Variants in TGIF1 observed in about 807,000 individuals in gnomAD.
TGIF1 encodes the protein TGFB induced factor homeobox 1.
A neutral mutation model predicts 19.3 loss-of-function variants in TGIF1; 4 were observed. That is an observed-to-expected ratio of 0.21 (90% CI 0.10 to 0.47). The LOEUF is 0.47. TGIF1 is among the 20% of genes least tolerant of loss of function. The pLI, the probability that TGIF1 is intolerant of heterozygous loss-of-function variation, is 0.98. For missense variants in TGIF1, 275 were observed against 341.4 expected, an observed-to-expected ratio of 0.81 and a Z score of 1.53; for synonymous variants, 122 against 129.3, an observed-to-expected ratio of 0.94 and a Z score of 0.38.
Position 3,451,502 on chromosome 18 carries a change from T to C in TGIF1, c.16+997T>C, listed in dbSNP as rs1054366682. 5.1e-6 allele frequency: 5 copies of C among 990,064 alleles called. No individual in the cohort carries two copies. The highest frequency in any genetic ancestry group is 1.2e-4 in the Admixed American group (2 of 16,390). The allele number at this position is 990,064 out of a possible 1,614,324, so 61.3% of individuals were successfully genotyped here. A position where few individuals can be genotyped will look rare whatever the true frequency, so the allele number is the denominator to read the frequency against. On this transcript the variant is annotated intron_variant, in intron 1 of 2. Coordinates refer to ENST00000343820, the MANE Select transcript of TGIF1 (RefSeq NM_003244.4). This position sits in a 1 kb window ranked among gnomAD's most constrained non-coding sequence, Gnocchi z 5.4. ...CGTTTCTGTCGTGATTTATGTGGAG[T>C]GGTTCAAAACAGAAGTTAATCACTC...
At chr18:3,436,687 C>T (rs1434760101) in intron 2 of TGIF1, among the ~76,000 whole-genome samples, 4 of 151,606 alleles carry the variant, frequency 2.6e-5, no homozygotes, top group South Asian at 2.1e-4. Context: ...GTTGTGGTGT[C>T]GCACTCCTGT....
At chr18:3,421,598 G>T (rs930735569) in intron 2 of TGIF1, among the ~76,000 whole-genome samples, 13 of 151,512 alleles carry the variant, frequency 8.6e-5, no homozygotes, top group South Asian at 4.2e-4. Flanking sequence ...TTTTAGTAGA[G>T]ACAGGGTTTC....
intron 2 of TGIF1, among the ~76,000 whole-genome samples, chr18:3,444,700 C>T (rs546064875): frequency 1.3e-5 from 2 of 151,674 alleles, no homozygotes; most frequent in East Asian, 1.9e-4. Flanking sequence ...GGTGCGATCT[C>T]GGTTCACTTA....
In TGIF1 at chr18:3,457,799, G is replaced by A. The variant is rs4747; in HGVS notation, c.678G>A (p.Thr226=). 14 of 1,613,824 alleles carry A rather than the reference G, an allele frequency of 8.7e-6. No individual in the cohort carries two copies. The highest frequency in any genetic ancestry group is 5.3e-5 in the African/African-American group (4 of 75,032). ...PEDTCKSGPS[T]NTQSGLFNTP... is the part of the protein sequence containing the mutation. ...ACACTTGTAAATCTGGACCAAGTAC[G>A]AATACACAGAGTGGTCTTTTCAACA... The change falls in exon 3 of 3, where the codon ACG becomes ACA. Residue 226 remains threonine, a synonymous_variant. Coordinates refer to ENST00000343820, the MANE Select transcript of TGIF1 (RefSeq NM_003244.4). The surrounding 1 kb of genome is among the most constrained non-coding windows in gnomAD (Gnocchi z 4.9).
Position 3,450,477 on chromosome 18 carries a change from G to A in TGIF1, c.-13G>A, listed in dbSNP as rs1426360453. ...ACCCCCGCCTTGCCTCGCGCTGGGAGGGGAGATCCAGAATGAAAGGCAAGA... is the reference window on the plus strand; with the variant it reads ...ACCCCCGCCTTGCCTCGCGCTGGGAAGGGAGATCCAGAATGAAAGGCAAGA... On this transcript the variant is annotated 5_prime_UTR_variant, in exon 1 of 3. Transcript: ENST00000343820. The A allele has an allele frequency of 4.5e-6, 7 of 1,559,238 alleles. No homozygotes were observed. The highest frequency in any genetic ancestry group is 6.1e-6 in the Non-Finnish European group (7 of 1,151,826).
chr18:3,447,936 T>C, upstream of TGIF1: 1 of 1,444,792 alleles, frequency 6.9e-7, no homozygotes, highest in East Asian at 2.4e-5. Flanking sequence ...CTCGGTTGCC[T>C]GAGAATCGCA....
In TGIF1 at chr18:3,456,295, CT is replaced by C; in HGVS notation, c.17-56del. On this transcript the variant is annotated intron_variant, in intron 1 of 2. Coordinates refer to ENST00000343820, the MANE Select transcript of TGIF1 (RefSeq NM_003244.4). The surrounding 1 kb of genome is among the most constrained non-coding windows in gnomAD (Gnocchi z 4.2). The stretch of plus-strand genomic sequence containing the variant: ...CATTGAATGGTCAGCGTTAAGTGAG[CT>C]TTGCAATAGTTGCTGTGCTTATAAA... 1.3e-6 allele frequency: 2 copies of C among 1,497,296 alleles called. No homozygotes were observed. The highest frequency in any genetic ancestry group is 1.9e-6 in the Non-Finnish European group (2 of 1,074,608). 92.8% of individuals were successfully genotyped at this position (1,497,296 alleles called of 1,614,324 possible).
chr18:3,446,102 T>C (rs2143262465), upstream of TGIF1, among the ~76,000 whole-genome samples: 1 of 152,362 alleles, frequency 6.6e-6, no homozygotes, highest in East Asian at 1.9e-4. Context: ...AATAAGTGTT[T>C]CATAAACTGT....
At chr18:3,443,825 A>G (rs896431843) in intron 2 of TGIF1, among the ~76,000 whole-genome samples, 7 of 151,498 alleles carry the variant, frequency 4.6e-5, no homozygotes, top group African/African-American at 1.7e-4. Flanking sequence ...GAGCCACTGT[A>G]CCTGGCCATG....
intron 1 of TGIF1, among the ~76,000 whole-genome samples, chr18:3,412,556 T>C (rs998106265): frequency 6.6e-6 from 1 of 152,184 alleles, no homozygotes; most frequent in Non-Finnish European, 1.5e-5. Flanking sequence ...CACTCTAAAT[T>C]CTTTGCACAT....
rs148926036 is a variant in TGIF1, at chr18:3,456,385, G to A, written c.48G>A (p.Glu16=). ...GIVAASGSET[E]DEDSMDIPLD... is the part of the protein sequence containing the mutation. ...TTGCAGCATCTGGCAGTGAGACTGA[G>A]GATGAGGACAGCATGGACATTCCCT... The change falls in exon 2 of 3, where the codon GAG becomes GAA. Residue 16 remains glutamate (E), a synonymous_variant. Transcript: ENST00000343820. This position sits in a 1 kb window ranked among gnomAD's most constrained non-coding sequence, Gnocchi z 4.2. 9.3e-5 allele frequency: 150 copies of A among 1,614,222 alleles called. No homozygotes were observed. The Middle Eastern group carries it at 1.3e-3, about 14-fold the overall frequency.
At position 3,457,256 on chromosome 18, in the gene TGIF1, C is replaced by T. The variant is rs2049385363; in HGVS notation, c.244-109C>T. 6 of 1,209,448 alleles carry T rather than the reference C, an allele frequency of 5.0e-6. No individual in the cohort carries two copies. Among genetic ancestry groups the T allele is most frequent in the Non-Finnish European group, 7.1e-6 (6 of 841,598 alleles). The allele number at this position is 1,209,448 out of a possible 1,614,324, so 74.9% of individuals were successfully genotyped here. On this transcript the variant is annotated intron_variant, in intron 2 of 2. Coordinates refer to ENST00000343820, the MANE Select transcript of TGIF1 (RefSeq NM_003244.4). The surrounding 1 kb of genome is among the most constrained non-coding windows in gnomAD (Gnocchi z 4.9). ...GTAAATTCAGATAAGGCTTTTCATG[C>T]TTTCTTTAATTCAGAGAGCAAGATC...
rs900139143 is a variant in TGIF1, at chr18:3,457,982, C to T, written c.*42C>T. The T allele has an allele frequency of 1.3e-6, 2 of 1,567,558 alleles. No homozygotes were observed. The highest frequency in any genetic ancestry group is 1.3e-5 in the African/African-American group (1 of 74,294). ...ACAGTTCTCAGAAATGTCATGATTGCCGGGGTGAAGGCAAGAGATGAATTG... is the reference window on the plus strand; with the variant it reads ...ACAGTTCTCAGAAATGTCATGATTGTCGGGGTGAAGGCAAGAGATGAATTG... On this transcript the variant is annotated 3_prime_UTR_variant, in exon 3 of 3. Coordinates refer to ENST00000343820, the MANE Select transcript of TGIF1 (RefSeq NM_003244.4). The surrounding 1 kb of genome is among the most constrained non-coding windows in gnomAD (Gnocchi z 4.9).
intron 2 of TGIF1, among the ~76,000 whole-genome samples, chr18:3,440,822 G>A (rs1166913571): frequency 1.3e-5 from 2 of 152,070 alleles, no homozygotes; most frequent in African/African-American, 2.4e-5. Flanking sequence ...AGATTGGGCT[G>A]GTGTCTTCCT....
At position 3,457,796 on chromosome 18, in the gene TGIF1, T is replaced by G. The variant is rs372881463; in HGVS notation, c.675T>G (p.Ser225Arg). ...YPEDTCKSGPSTNTQSGLFNT... is the reference protein window; with the variant it reads ...YPEDTCKSGPRTNTQSGLFNT... ...AGGACACTTGTAAATCTGGACCAAG[T>G]ACGAATACACAGAGTGGTCTTTTCA... is the stretch of plus-strand genomic sequence containing the variant. The change falls in exon 3 of 3, where the codon AGT becomes AGG. Residue 225 changes from serine (S) to arginine (R), a missense_variant. Coordinates refer to ENST00000343820, the MANE Select transcript of TGIF1 (RefSeq NM_003244.4). This position sits in a 1 kb window ranked among gnomAD's most constrained non-coding sequence, Gnocchi z 4.9. 22 of 1,613,968 alleles carry G rather than the reference T, an allele frequency of 1.4e-5. No homozygotes were observed. In the African/African-American group the frequency reaches 2.5e-4, roughly 19 times the overall value.
At chr18:3,453,109 T>C (rs1261845772) in intron 1 of TGIF1, among the ~76,000 whole-genome samples, 1 of 152,068 alleles carries the variant, frequency 6.6e-6, no homozygotes, top group African/African-American at 2.4e-5. Flanking sequence ...ATTTTTTTTT[T>C]CTTTTGTTCC....
chr18:3,425,705 C>T (rs542182420), intron 2 of TGIF1, among the ~76,000 whole-genome samples: 1 of 152,252 alleles, frequency 6.6e-6, no homozygotes, highest in Non-Finnish European at 1.5e-5. Flanking sequence ...CTCCTGCCTA[C>T]CAAACTATCC....
chr18:3,456,259 A>G lies in TGIF1; in HGVS notation c.17-95A>G. The stretch of plus-strand genomic sequence containing the variant: ...TTCTCCTCGCTCTCAGTTGTTGGGA[A>G]AGCATGGTTACATTGAATGGTCAGC... On this transcript the variant is annotated intron_variant, in intron 1 of 2. Coordinates refer to ENST00000343820, the MANE Select transcript of TGIF1 (RefSeq NM_003244.4). This position sits in a 1 kb window ranked among gnomAD's most constrained non-coding sequence, Gnocchi z 4.2. The G allele has an allele frequency of 3.4e-6, 4 of 1,186,346 alleles. No homozygotes were observed. Among genetic ancestry groups the G allele is most frequent in the Admixed American group, 3.4e-5 (2 of 59,538 alleles). The allele number at this position is 1,186,346 out of a possible 1,614,324, so 73.5% of individuals were successfully genotyped here.
chr18:3,430,088 A>G (rs566416853), intron 2 of TGIF1, among the ~76,000 whole-genome samples: 186 of 152,316 alleles, frequency 1.2e-3, no homozygotes, highest in East Asian at 7.9e-3. Flanking sequence ...ATTGGGAGGC[A>G]GGGGTTGCAG....
Sources: gnomAD v4.1 joint callset for allele counts (sites outside exome capture counted in the v4.1 genomes callset) on GRCh38, gnomAD v4.1.1 for gene constraint, Gnocchi (gnomAD v3.1) non-coding constraint, MANE v1.5 for transcripts, NCBI Gene and HGNC (gene_info 2026-07-23, HGNC 2026-07-21) for gene names.